The following ALG12 variants were observed in gnomAD, a reference collection of about 807,000 sequenced individuals.
The protein encoded by ALG12 is dol-P-Man:Man(7)GlcNAc(2)-PP-Dol alpha-1,6-mannosyltransferase.
In ALG12, 36 loss-of-function variants were observed where a neutral mutation model predicts 46.0. That is an observed-to-expected ratio of 0.78 (90% CI 0.60 to 1.03). ALG12 has a LOEUF of 1.03. ALG12 is among the 50% of genes least tolerant of loss of function. The probability of loss-of-function intolerance (pLI) is 0.00; values close to 1 mark genes in which losing one functional copy is unlikely to be tolerated. For synonymous variants in ALG12, 326 were observed against 291.6 expected (o/e 1.12, Z -1.20); for missense variants, 599 against 633.5 (o/e 0.95, Z 0.58).
intron 1 of ALG12, among the ~76,000 whole-genome samples, chr22:49,914,743 AT>A (rs879709774): frequency 3.3e-5 from 5 of 152,120 alleles, no homozygotes; most frequent in Admixed American, 1.3e-4. Context: ...TACTTTAAAA[AT>A]TTTTTTTAAG....
chr22:49,899,725 A>G (rs753608300), downstream of ALG12, among the ~76,000 whole-genome samples: 31 of 152,210 alleles, frequency 2.0e-4, no homozygotes, highest in Admixed American at 7.2e-4. Flanking sequence ...TGGCAGGGTT[A>G]TCTGAATTTA....
Position 49,906,272 on chromosome 22 carries a change from G to A in ALG12, c.992+1449C>T, listed in dbSNP as rs997876483. On this transcript the variant is annotated intron_variant, in intron 7 of 9. Coordinates refer to ENST00000330817, the MANE Select transcript of ALG12 (RefSeq NM_024105.4). The surrounding 1 kb of genome is among the most constrained non-coding windows in gnomAD (Gnocchi z 4.4). ...TCACCGAATACAATCCATCCGCGCC[G>A]CTCTCCCCGTCTTTCCTACCCTCTT... 6.6e-6 allele frequency among the ~76,000 whole-genome samples: 1 copy of A among 152,146 alleles called. No homozygotes were observed. The highest frequency in any genetic ancestry group is 2.4e-5 in the African/African-American group (1 of 41,422).
the ALG12 span, among the ~76,000 whole-genome samples, chr22:49,868,081 G>A: frequency 5.9e-5 from 9 of 152,192 alleles, no homozygotes; most frequent in Admixed American, 4.6e-4. Flanking sequence ...AGGTTGAACC[G>A]TCATTAAATC....
At chr22:49,887,074 C>A in the ALG12 span, 3 of 1,614,180 alleles carry the variant, frequency 1.9e-6, no homozygotes, top group East Asian at 4.5e-5. Flanking sequence ...GTTCAACACA[C>A]CCACTGAGAA....
At chr22:49,880,557 C>T in the ALG12 span, among the ~76,000 whole-genome samples, 2 of 152,256 alleles carry the variant, frequency 1.3e-5, no homozygotes, top group Admixed American at 6.5e-5. Flanking sequence ...TTTCTCTTCT[C>T]TCTCAGCGTC....
At chr22:49,883,671 TA>T in the ALG12 span, 1 of 1,578,796 alleles carries the variant, frequency 6.3e-7, no homozygotes, top group Non-Finnish European at 8.6e-7. Flanking sequence ...TCATGGAGAA[TA>T]ACTTGAAAAC....
At chr22:49,870,565 C>G in the ALG12 span, among the ~76,000 whole-genome samples, 1 of 152,144 alleles carries the variant, frequency 6.6e-6, no homozygotes, top group African/African-American at 2.4e-5. Flanking sequence ...ATTTGCACTT[C>G]TCTGATGACT....
the ALG12 span, chr22:49,886,650 C>T: frequency 1.9e-6 from 3 of 1,599,194 alleles, no homozygotes; most frequent in Non-Finnish European, 2.6e-6. The surrounding 1 kb of genome is among the most constrained non-coding windows in gnomAD (Gnocchi z 7.7). Flanking sequence ...TGTCTGCCAC[C>T]CTCCACGACC....
At chr22:49,908,855 G>A (rs915713571) in intron 6 of ALG12, among the ~76,000 whole-genome samples, 1 of 151,734 alleles carries the variant, frequency 6.6e-6, no homozygotes, top group Admixed American at 6.6e-5. Context: ...ATGAGGCTGA[G>A]GCAGGAGAAT....
the ALG12 span, among the ~76,000 whole-genome samples, chr22:49,882,969 A>C: frequency 6.6e-6 from 1 of 152,226 alleles, no homozygotes; most frequent in Non-Finnish European, 1.5e-5. Flanking sequence ...AATAGATCTC[A>C]AGGAATTCAG....
At chr22:49,893,819 G>A in the ALG12 span, among the ~76,000 whole-genome samples, 3 of 152,176 alleles carry the variant, frequency 2.0e-5, no homozygotes, top group African/African-American at 7.2e-5. Context: ...CAAAAGGTGG[G>A]AGGGAAATAA....
the ALG12 span, among the ~76,000 whole-genome samples, chr22:49,894,845 G>C: frequency 6.6e-6 from 1 of 152,252 alleles, no homozygotes; most frequent in South Asian, 2.1e-4. Context: ...TTGAGCAAGG[G>C]TAGCAGTGGG....
chr22:49,890,129 G>A, the ALG12 span: 1 of 153,032 alleles, frequency 6.5e-6, no homozygotes, highest in East Asian at 1.9e-4. Flanking sequence ...TGAGGTGGGA[G>A]GACTGCTTGA....
At chr22:49,909,138 A>G in intron 6 of ALG12, 106 bp downstream of exon 6, 2 of 1,192,838 alleles carry the variant, frequency 1.7e-6, no homozygotes, top group Non-Finnish European at 2.5e-6. Flanking sequence ...CCCTGCAGCC[A>G]CGCTGCAGAG....
the ALG12 span, chr22:49,884,400 C>A: frequency 1.9e-6 from 3 of 1,613,002 alleles, no homozygotes; most frequent in Non-Finnish European, 1.7e-6. Flanking sequence ...AGAAGTGCGG[C>A]AGAGAAGAAG....
the ALG12 span, among the ~76,000 whole-genome samples, chr22:49,892,762 G>C: frequency 4.6e-5 from 7 of 152,300 alleles, no homozygotes; most frequent in South Asian, 6.2e-4. Flanking sequence ...CTTTCTGCTA[G>C]AGGAAAACTA....
At chr22:49,909,155 G>A in intron 6 of ALG12, 89 bp downstream of exon 6, 1 of 1,332,324 alleles carries the variant, frequency 7.5e-7, no homozygotes, top group Admixed American at 1.7e-5. Flanking sequence ...AGAGAAGGGA[G>A]AAGCAGCTGC....
At position 49,907,912 on chromosome 22, in the gene ALG12, G is replaced by A; in HGVS notation, c.801C>T (p.Ala267=). 6.2e-7 allele frequency: 1 copy of A among 1,613,398 alleles called. No individual in the cohort carries two copies. Among genetic ancestry groups the A allele is most frequent in the Non-Finnish European group, 8.5e-7 (1 of 1,179,966 alleles). ...TSPLLWYFYS[A]LPRGLGCSLL... is the part of the protein sequence containing the mutation. Reference sequence around the variant, plus strand: ...GGCTGCAGCCCAGGCCGCGGGGCAGGGCTGAGTAGAAGTACCACAGCAGCG... The same window carrying A: ...GGCTGCAGCCCAGGCCGCGGGGCAGAGCTGAGTAGAAGTACCACAGCAGCG... Residue 267 remains alanine, a synonymous_variant, in exon 7 of 10, where the codon GCC becomes GCT. Coordinates refer to ENST00000330817, the MANE Select transcript of ALG12 (RefSeq NM_024105.4).
In ALG12 at chr22:49,907,882, G is replaced by A. The variant is rs753341759; in HGVS notation, c.831C>T (p.Leu277=). The A allele has an allele frequency of 4.3e-6, 7 of 1,613,786 alleles. No homozygotes were observed. The highest frequency in any genetic ancestry group is 5.9e-6 in the Non-Finnish European group (7 of 1,180,038). Residue 277 remains leucine, a synonymous_variant, in exon 7 of 10, where the codon CTC becomes CTT. Coordinates refer to ENST00000330817, the MANE Select transcript of ALG12 (RefSeq NM_024105.4). ...TGTCTACCAAGCCCAGGGGGATGAAGAGCAGGCTGCAGCCCAGGCCGCGGG... is the reference window on the plus strand; with the variant it reads ...TGTCTACCAAGCCCAGGGGGATGAAAAGCAGGCTGCAGCCCAGGCCGCGGG... ...ALPRGLGCSL[L]FIPLGLVDRR... is the part of the protein sequence containing the mutation.
Sources: gnomAD v4.1 joint callset for allele counts (sites outside exome capture counted in the v4.1 genomes callset) on GRCh38, gnomAD v4.1.1 for gene constraint, Gnocchi (gnomAD v3.1) non-coding constraint, MANE v1.5 for transcripts, NCBI Gene and HGNC (gene_info 2026-07-23, HGNC 2026-07-21) for gene names.